Variants in DPH6 observed in about 807,000 individuals in gnomAD.
DPH6 encodes the protein diphthine--ammonia ligase.
A neutral mutation model predicts 38.2 loss-of-function variants in DPH6; 33 were observed. That is an observed-to-expected ratio of 0.86 (90% CI 0.65 to 1.15). The LOEUF (loss-of-function observed/expected upper bound fraction) is 1.15. DPH6 is among the 50% of genes most tolerant of loss of function. The probability of loss-of-function intolerance (pLI) is 0.00; values close to 1 mark genes in which losing one functional copy is unlikely to be tolerated. For synonymous variants in DPH6, 108 were observed against 103.0 expected (o/e 1.05, Z -0.30); for missense variants, 325 against 320.0 (o/e 1.02, Z -0.12).
At chr15:35,360,334 C>T (rs1266159117) in intron 3 of DPH6, among the ~76,000 whole-genome samples, 2 of 152,136 alleles carry the variant, frequency 1.3e-5, no homozygotes, top group African/African-American at 2.4e-5. Context: ...TGGTACCAAT[C>T]AGATGGGACT....
At position 35,503,883 on chromosome 15, in the gene DPH6, G is replaced by T. The variant is rs540200265; in HGVS notation, c.312+34391C>A. 3.3e-5 allele frequency among the ~76,000 whole-genome samples: 5 copies of T among 152,118 alleles called. No homozygotes were observed. The South Asian group carries it at 1.0e-3, about 32-fold the overall frequency. On this transcript the variant is annotated intron_variant, in intron 3 of 8. Transcript: ENST00000256538. ...TACAAAGCTAGTAAGTGGCAGCTGG[G>T]GAACCAGGTGCCAGAAAGCAAGTTA...
chr15:35,237,296 G>A, intron 3 of DPH6: 3 of 1,556,078 alleles, frequency 1.9e-6, no homozygotes, highest in Non-Finnish European at 2.7e-6. Context: ...AATTCCAGCG[G>A]CGCGGGAGCC....
chr15:35,436,509 C>CAAAAAAAAAAAAAAAAAAA (rs1491101707), intron 5 of DPH6, among the ~76,000 whole-genome samples: 2 of 107,588 alleles, frequency 1.9e-5, no homozygotes, highest in Admixed American at 8.9e-5. Flanking sequence ...CAAAACAAAA[C>CAAAAAAAAAAAAAAAAAAA]AAAACAAAAA....
In DPH6 at chr15:35,410,909, G is replaced by A. The variant is rs184298288; in HGVS notation, c.506-13C>T. ...TCAGGATCTAAACCTGCCAAGAAAG[G>A]TTACATTTTTTAAAGATAACTATCA... On this transcript the variant is annotated splice_polypyrimidine_tract_variant and intron_variant, in intron 5 of 8. Coordinates refer to ENST00000256538, the MANE Select transcript of DPH6 (RefSeq NM_080650.4). 1.2e-4 allele frequency: 197 copies of A among 1,598,580 alleles called. 1 individual carries two copies. The highest frequency in any genetic ancestry group is 3.2e-5 in the Non-Finnish European group (38 of 1,172,832).
chr15:35,287,195 A>C (rs2051949218), intron 3 of DPH6, among the ~76,000 whole-genome samples: 1 of 152,196 alleles, frequency 6.6e-6, no homozygotes, highest in South Asian at 2.1e-4. Context: ...TATTAGAAAA[A>C]TAATGTTCAC....
chr15:35,353,969 G>A (rs972383740), intron 3 of DPH6, among the ~76,000 whole-genome samples: 3 of 152,150 alleles, frequency 2.0e-5, no homozygotes, highest in African/African-American at 7.2e-5. Flanking sequence ...GGAGTGGTTT[G>A]TAGTTCTCCT....
the DPH6 span, among the ~76,000 whole-genome samples, chr15:35,172,549 T>A: frequency 6.6e-6 from 1 of 152,220 alleles, no homozygotes; most frequent in Non-Finnish European, 1.5e-5. Context: ...ATATAATTAA[T>A]TCCTAAAGCA....
intron 3 of DPH6, among the ~76,000 whole-genome samples, chr15:35,289,488 T>C (rs1200058902): frequency 6.6e-6 from 1 of 152,112 alleles, no homozygotes; most frequent in Non-Finnish European, 1.5e-5. Context: ...GGGTAGAACT[T>C]GCATGCTTAA....
chr15:35,325,929 GATAA>G (rs1213881879), downstream of DPH6, among the ~76,000 whole-genome samples: 2 of 152,042 alleles, frequency 1.3e-5, no homozygotes, highest in East Asian at 3.9e-4. Context: ...CAAAACGGCA[GATAA>G]ATATACAGAA....
chr15:35,542,913 A>AAT (rs1378196777), intron 1 of DPH6, among the ~76,000 whole-genome samples: 35 of 129,666 alleles, frequency 2.7e-4, no homozygotes, highest in Non-Finnish European at 5.3e-4. Context: ...CCACTTAAGG[A>AAT]ATATATATAA....
At chr15:35,236,022 C>CA (rs1448186639) in intron 3 of DPH6, among the ~76,000 whole-genome samples, 17 of 152,272 alleles carry the variant, frequency 1.1e-4, no homozygotes, top group African/African-American at 4.1e-4. Context: ...AATTGAAGAA[C>CA]AAAGAGCTTT....
chr15:35,314,944 CA>C lies in DPH6; in HGVS notation n.200+58576del, dbSNP rs75799510. Among the ~76,000 whole-genome samples the C allele has an allele frequency of 0.026, 3,991 of 151,862 alleles. 323 individuals are homozygous for C. The East Asian group carries it at 0.32, about 12-fold the overall frequency. On this transcript the variant is annotated intron_variant and non_coding_transcript_variant, in intron 3 of 3. Coordinates refer to the DPH6 transcript ENST00000560386. ...CCACTTCCTACAGCCAAACTTGCAC[CA>C]AAAAAAGGTCACGGTCATTGTTTGG... is the stretch of plus-strand genomic sequence containing the variant.
Position 35,535,183 on chromosome 15 carries a change from T to C in DPH6, c.312+3091A>G, listed in dbSNP as rs2055150993. On this transcript the variant is annotated intron_variant, in intron 3 of 8. Coordinates refer to ENST00000256538, the MANE Select transcript of DPH6 (RefSeq NM_080650.4). ...CTGTGACATTTCAGTACACCAAGCA[T>C]AAAGACACATCATAAAAGTTAACAG... Among the ~76,000 whole-genome samples, 4 of 152,108 alleles carry C rather than the reference T, an allele frequency of 2.6e-5. No homozygotes were observed. In the South Asian group the frequency reaches 8.3e-4, roughly 32 times the overall value.
downstream of DPH6, among the ~76,000 whole-genome samples, chr15:35,216,343 A>G (rs1040215268): frequency 6.6e-6 from 1 of 152,252 alleles, no homozygotes; most frequent in African/African-American, 2.4e-5. Flanking sequence ...TTGATAGTAT[A>G]TAGATTTGTT....
At chr15:35,267,203 C>T (rs924206487) in intron 3 of DPH6, among the ~76,000 whole-genome samples, 1 of 152,164 alleles carries the variant, frequency 6.6e-6, no homozygotes, top group Non-Finnish European at 1.5e-5. Flanking sequence ...TCCAAAGAGC[C>T]TTGTAAACTG....
intron 5 of DPH6, among the ~76,000 whole-genome samples, chr15:35,416,144 G>C (rs990858581): frequency 2.6e-5 from 4 of 151,790 alleles, no homozygotes; most frequent in Non-Finnish European, 5.9e-5. Context: ...TGATTAGCTG[G>C]AAAAAAATCA....
intron 5 of DPH6, among the ~76,000 whole-genome samples, chr15:35,427,449 T>C (rs984082693): frequency 1.5e-4 from 22 of 151,320 alleles, no homozygotes; most frequent in African/African-American, 5.1e-4. Context: ...ATTTTGCTAA[T>C]ATGAAGCTTT....
intron 3 of DPH6, among the ~76,000 whole-genome samples, chr15:35,482,183 C>A (rs546770997): frequency 2.0e-5 from 3 of 152,146 alleles, no homozygotes; most frequent in Non-Finnish European, 4.4e-5. Context: ...GATCTCCTGG[C>A]AAACGAACTG....
At chr15:35,193,610 C>A in the DPH6 span, among the ~76,000 whole-genome samples, 1 of 151,930 alleles carries the variant, frequency 6.6e-6, no homozygotes. Flanking sequence ...CAAGAAGGAC[C>A]ACAATTATAT....
Sources: allele counts gnomAD v4.1 joint callset (sites outside exome capture counted in the v4.1 genomes callset), GRCh38; gene constraint gnomAD v4.1.1; transcripts MANE v1.5; gene names NCBI Gene and HGNC (gene_info 2026-07-23, HGNC 2026-07-21).